Variants in FHIT observed in about 807,000 individuals in gnomAD.
The protein encoded by FHIT is bis(5'-adenosyl)-triphosphatase.
In FHIT, 19 loss-of-function variants were observed where a neutral mutation model predicts 17.9. The observed-to-expected ratio is 1.06, with a 90% CI of 0.74 to 1.56. The LOEUF (loss-of-function observed/expected upper bound fraction) is 1.56, where lower values mean the gene tolerates loss of function less well. FHIT is among the 40% of genes most tolerant of loss of function. The pLI is 0.00. For missense variants in FHIT, 248 were observed against 189.2 expected, an observed-to-expected ratio of 1.31 and a Z score of -1.82; for synonymous variants, 81 against 69.7, an observed-to-expected ratio of 1.16 and a Z score of -0.81.
At chr3:60,553,051 C>T (rs2036613115) in intron 4 of FHIT, among the ~76,000 whole-genome samples, 1 of 152,170 alleles carries the variant, frequency 6.6e-6, no homozygotes, top group South Asian at 2.1e-4. Flanking sequence ...CCCTTGGGCC[C>T]TGAGCTGCCA....
chr3:60,456,958 A>T (rs1056106914), intron 5 of FHIT, among the ~76,000 whole-genome samples: 1 of 152,208 alleles, frequency 6.6e-6, no homozygotes, highest in African/African-American at 2.4e-5. Flanking sequence ...AGAACATTCC[A>T]TGCTCATGGG....
chr3:60,999,777 C>CT (rs1447194830), intron 3 of FHIT, among the ~76,000 whole-genome samples: 3 of 151,928 alleles, frequency 2.0e-5, no homozygotes, highest in Non-Finnish European at 4.4e-5. Context: ...GATGGGGTGC[C>CT]TTAGCGCATT....
chr3:60,621,494 A>T (rs2039127978), intron 4 of FHIT, among the ~76,000 whole-genome samples: 1 of 151,798 alleles, frequency 6.6e-6, no homozygotes, highest in African/African-American at 2.4e-5. Context: ...ATTTCCAAAA[A>T]GTGTTCAAAC....
intron 3 of FHIT, among the ~76,000 whole-genome samples, chr3:60,936,952 C>T (rs1708217307): frequency 6.6e-6 from 1 of 152,134 alleles, no homozygotes; most frequent in African/African-American, 2.4e-5. Flanking sequence ...TGACTTTTTA[C>T]AAATGACTAA....
At chr3:60,209,041 A>G (rs1232519177) in intron 5 of FHIT, among the ~76,000 whole-genome samples, 2 of 152,200 alleles carry the variant, frequency 1.3e-5, no homozygotes, top group South Asian at 4.1e-4. Flanking sequence ...ATATTTATCA[A>G]ATATACCGGA....
At chr3:60,614,820 GTTT>G in intron 4 of FHIT, among the ~76,000 whole-genome samples, 2 of 58,916 alleles carry the variant, frequency 3.4e-5, no homozygotes, top group East Asian at 3.4e-4. Context: ...TTTTTTTTTT[GTTT>G]TTTTTTTGTT....
At chr3:60,347,908 AC>A in intron 5 of FHIT, among the ~76,000 whole-genome samples, 1 of 151,968 alleles carries the variant, frequency 6.6e-6, no homozygotes, top group South Asian at 2.1e-4. Context: ...ACAGGCGCCC[AC>A]CACCATGCCC....
intron 3 of FHIT, among the ~76,000 whole-genome samples, chr3:60,931,149 C>G (rs1206098314): frequency 2.0e-5 from 3 of 149,812 alleles, no homozygotes; most frequent in African/African-American, 7.4e-5. Flanking sequence ...TCACTCATAG[C>G]TGGGAATTGA....
chr3:61,150,018 T>A (rs1328687249), intron 2 of FHIT, among the ~76,000 whole-genome samples: 1 of 152,156 alleles, frequency 6.6e-6, no homozygotes, highest in Non-Finnish European at 1.5e-5. Context: ...AAGGTACCTA[T>A]AAATGGAGCC....
chr3:60,862,985 T>C (rs148049340), intron 3 of FHIT, among the ~76,000 whole-genome samples: 3 of 152,274 alleles, frequency 2.0e-5, no homozygotes, highest in Admixed American at 6.5e-5. Context: ...TTATCTTGAA[T>C]TATCTGGGTA....
intron 5 of FHIT, among the ~76,000 whole-genome samples, chr3:60,441,763 T>TATATACACACAC (rs1290416734): frequency 4.7e-5 from 1 of 21,386 alleles, no homozygotes; most frequent in Non-Finnish European, 2.0e-4. Flanking sequence ...TAAAAATATA[T>TATATACACACAC]ATATATTTAT....
chr3:60,847,959 T>C (rs1381719345), intron 3 of FHIT, among the ~76,000 whole-genome samples: 1 of 152,162 alleles, frequency 6.6e-6, no homozygotes, highest in Non-Finnish European at 1.5e-5. Context: ...GAATTTATGG[T>C]GCAATGCAAC....
chr3:60,007,729 T>C (rs1459485672), intron 7 of FHIT, among the ~76,000 whole-genome samples: 2 of 152,150 alleles, frequency 1.3e-5, no homozygotes, highest in Non-Finnish European at 2.9e-5. Flanking sequence ...GAAGTATGAT[T>C]GGATGATAAA....
chr3:59,866,656 C>T (rs1702665669), intron 8 of FHIT, among the ~76,000 whole-genome samples: 1 of 152,026 alleles, frequency 6.6e-6, no homozygotes, highest in Non-Finnish European at 1.5e-5. Flanking sequence ...TCTGATGGGA[C>T]TAAAGGATTA....
intron 5 of FHIT, among the ~76,000 whole-genome samples, chr3:60,194,799 G>A (rs1190355655): frequency 6.6e-6 from 1 of 152,062 alleles, no homozygotes; most frequent in Non-Finnish European, 1.5e-5. Flanking sequence ...TTTCTCAAAA[G>A]AAGATATACA....
intron 4 of FHIT, among the ~76,000 whole-genome samples, chr3:60,674,890 T>C (rs1197908264): frequency 6.6e-6 from 1 of 152,136 alleles, no homozygotes; most frequent in African/African-American, 2.4e-5. Flanking sequence ...GTACACTACC[T>C]CCACATGCCC....
At chr3:60,437,107 C>A (rs746107756) in intron 5 of FHIT, among the ~76,000 whole-genome samples, 1 of 152,048 alleles carries the variant, frequency 6.6e-6, no homozygotes, top group Admixed American at 6.6e-5. Flanking sequence ...AAGTTTAGTA[C>A]AACTTTCTGG....
chr3:60,446,804 G>T (rs1202453262), intron 5 of FHIT, among the ~76,000 whole-genome samples: 1 of 151,304 alleles, frequency 6.6e-6, no homozygotes. Context: ...AGTGAGCTAT[G>T]ATCATTCTAC....
At chr3:60,150,137 C>T (rs570325679) in intron 5 of FHIT, among the ~76,000 whole-genome samples, 1 of 146,208 alleles carries the variant, frequency 6.8e-6, no homozygotes, top group Non-Finnish European at 1.5e-5. Context: ...GCTAGGATTA[C>T]AGGCATGCGC....
Sources: gnomAD v4.1 joint callset for allele counts (sites outside exome capture counted in the v4.1 genomes callset) on GRCh38, gnomAD v4.1.1 for gene constraint, MANE v1.5 for transcripts, NCBI Gene and HGNC (gene_info 2026-07-23, HGNC 2026-07-21) for gene names.